Variants in NLK observed in about 807,000 individuals in gnomAD.
The protein encoded by NLK is serine/threonine-protein kinase NLK.
In NLK, 11 loss-of-function variants were observed where a neutral mutation model predicts 59.0. The observed-to-expected ratio is 0.19, with a 90% CI of 0.12 to 0.31. The LOEUF is 0.31. Among genes scored for constraint, NLK ranks in the 10% least tolerant of loss-of-function variants. The probability of loss-of-function intolerance (pLI) is 1.00; values close to 1 mark genes in which losing one functional copy is unlikely to be tolerated. For synonymous variants in NLK, 235 were observed against 235.9 expected (o/e 1.00, Z 0.03); for missense variants, 410 against 661.1 (o/e 0.62, Z 4.16).
intron 1 of NLK, among the ~76,000 whole-genome samples, chr17:28,091,221 C>G (rs943813792): frequency 2.6e-5 from 4 of 151,988 alleles, no homozygotes; most frequent in Admixed American, 1.3e-4. Context: ...AAACATAAAA[C>G]AACCATATTT....
At chr17:28,051,021 A>C (rs1420349437) in intron 1 of NLK, among the ~76,000 whole-genome samples, 1 of 151,196 alleles carries the variant, frequency 6.6e-6, no homozygotes, top group South Asian at 2.1e-4. Flanking sequence ...CTGAGGTTGC[A>C]GTGAGCTGAT....
intron 5 of NLK, among the ~76,000 whole-genome samples, chr17:28,164,199 A>G (rs1420514699): frequency 1.3e-5 from 2 of 151,990 alleles, no homozygotes; most frequent in Non-Finnish European, 2.9e-5. Context: ...GCAAAACCCC[A>G]TCTCAATAAA....
intron 8 of NLK, among the ~76,000 whole-genome samples, chr17:28,187,955 C>T (rs1909180781): frequency 6.6e-6 from 1 of 152,028 alleles, no homozygotes; most frequent in Admixed American, 6.6e-5. Flanking sequence ...ACTTGTAATC[C>T]CAGCACTTTA....
rs748919262 is a variant in NLK, at chr17:28,043,188, A to T, written c.315A>T (p.Pro105=). Residue 105 remains proline (P), a synonymous_variant, in exon 1 of 11, where the codon CCA becomes CCT. Transcript: ENST00000407008. ...PSPAPGQAPG[P]AAAAPAQVQA... is the part of the protein sequence containing the mutation. ...CGGCACCGGGGCAGGCTCCTGGACC[A>T]GCTGCAGCAGCCCCAGCTCAGGTAC... is the stretch of plus-strand genomic sequence containing the variant. 6.2e-7 allele frequency: 1 copy of T among 1,613,866 alleles called. No individual in the cohort carries two copies. Among genetic ancestry groups the T allele is most frequent in the Non-Finnish European group, 8.5e-7 (1 of 1,179,872 alleles).
Position 28,161,238 on chromosome 17 carries a change from C to A in NLK, c.723C>A (p.Val241=). ...VSPQPLSSDH[V]KVFLYQILRG... ...CTCAACCACTCAGCTCAGATCATGT[C>A]AAAGTTTTTCTTTATCAGATTTTGC... is the stretch of plus-strand genomic sequence containing the variant. The change falls in exon 4 of 11, where the codon GTC becomes GTA. Residue 241 remains valine (V), a synonymous_variant. Transcript: ENST00000407008. The A allele has an allele frequency of 6.2e-7, 1 of 1,609,358 alleles. No homozygotes were observed. Among genetic ancestry groups the A allele is most frequent in the Non-Finnish European group, 8.5e-7 (1 of 1,175,800 alleles).
chr17:28,089,034 A>G (rs1904382734), intron 1 of NLK, among the ~76,000 whole-genome samples: 1 of 152,222 alleles, frequency 6.6e-6, no homozygotes. Context: ...TTCACCTCAC[A>G]GTGCATACAC....
intron 3 of NLK, among the ~76,000 whole-genome samples, chr17:28,141,151 T>C (rs998750659): frequency 6.6e-6 from 1 of 152,234 alleles, no homozygotes. Context: ...TTGTATCATC[T>C]ATCTAGACAG....
At chr17:28,192,765 T>C (rs1301299609) in intron 10 of NLK, among the ~76,000 whole-genome samples, 1 of 152,216 alleles carries the variant, frequency 6.6e-6, no homozygotes, top group Non-Finnish European at 1.5e-5. Flanking sequence ...ACCATTGTGC[T>C]GCCTCATCAC....
chr17:28,090,220 T>C (rs1452694063), intron 1 of NLK, among the ~76,000 whole-genome samples: 1 of 152,228 alleles, frequency 6.6e-6, no homozygotes, highest in Admixed American at 6.5e-5. Flanking sequence ...CATAGCATAG[T>C]AGTCTATATC....
At chr17:28,128,999 A>C (rs529416917) in intron 2 of NLK, among the ~76,000 whole-genome samples, 1 of 152,362 alleles carries the variant, frequency 6.6e-6, no homozygotes, top group South Asian at 2.1e-4. Flanking sequence ...ACTGATTCAC[A>C]CAGGAACATG....
At chr17:28,065,569 A>G (rs981187287) in intron 1 of NLK, among the ~76,000 whole-genome samples, 1 of 152,178 alleles carries the variant, frequency 6.6e-6, no homozygotes, top group Non-Finnish European at 1.5e-5. Flanking sequence ...GATCAGATTT[A>G]TTTTTAGAAG....
chr17:28,077,073 CTTTTT>C (rs35639099), intron 1 of NLK, among the ~76,000 whole-genome samples: 41 of 42,498 alleles, frequency 9.6e-4, no homozygotes, highest in African/African-American at 2.4e-3. Context: ...CTCTTTCTTT[CTTTTT>C]TTTTTTTTTT....
intron 1 of NLK, among the ~76,000 whole-genome samples, chr17:28,110,188 C>A (rs1317992195): frequency 6.6e-6 from 1 of 151,936 alleles, no homozygotes; most frequent in African/African-American, 2.4e-5. Context: ...AAATTGTTTT[C>A]TTAAGTTCAT....
At chr17:28,097,218 A>C (rs1056697346) in intron 1 of NLK, among the ~76,000 whole-genome samples, 1 of 152,192 alleles carries the variant, frequency 6.6e-6, no homozygotes, top group African/African-American at 2.4e-5. Flanking sequence ...AAAATGTTCA[A>C]ATAACAAAAT....
intron 1 of NLK, among the ~76,000 whole-genome samples, chr17:28,062,673 C>G (rs1393762637): frequency 2.0e-5 from 3 of 152,032 alleles, no homozygotes; most frequent in Admixed American, 6.6e-5. Flanking sequence ...CTCTGCCTCC[C>G]GGGTTCAAGC....
intron 1 of NLK, among the ~76,000 whole-genome samples, chr17:28,077,023 C>CGTGTCCCT (rs1910180200): frequency 6.7e-6 from 1 of 149,450 alleles, no homozygotes; most frequent in South Asian, 2.1e-4. Flanking sequence ...AGTTAGTACC[C>CGTGTCCCT]GTGTCCCTTT....
chr17:28,111,467 G>A (rs540128435), intron 1 of NLK, among the ~76,000 whole-genome samples: 9 of 152,030 alleles, frequency 5.9e-5, no homozygotes, highest in South Asian at 2.1e-4. Context: ...GAGCCATCAT[G>A]CCTGTCCAGA....
intron 1 of NLK, among the ~76,000 whole-genome samples, chr17:28,120,745 C>G (rs1295686002): frequency 1.3e-5 from 2 of 152,110 alleles, no homozygotes; most frequent in Non-Finnish European, 2.9e-5. Context: ...AAAAAAAATA[C>G]TAGAATACAT....
At chr17:28,153,976 T>C (rs1907594255) in intron 3 of NLK, among the ~76,000 whole-genome samples, 1 of 152,188 alleles carries the variant, frequency 6.6e-6, no homozygotes. Flanking sequence ...TTTTTTTTTC[T>C]GTCTCTCATG....
Sources: gnomAD v4.1 joint callset for allele counts (sites outside exome capture counted in the v4.1 genomes callset) on GRCh38, gnomAD v4.1.1 for gene constraint, MANE v1.5 for transcripts, NCBI Gene and HGNC (gene_info 2026-07-23, HGNC 2026-07-21) for gene names.